The following MMP8 variants were observed in gnomAD, a reference collection of about 807,000 sequenced individuals.
The protein encoded by MMP8 is neutrophil collagenase.
A neutral mutation model predicts 51.2 loss-of-function variants in MMP8; 67 were observed. The ratio of observed to expected loss-of-function variants is 1.31; its 90% CI spans 1.08 to 1.60. The LOEUF (loss-of-function observed/expected upper bound fraction) is 1.60. Among genes scored for constraint, MMP8 ranks in the 40% most tolerant of loss-of-function variants. The pLI is 0.00. For synonymous variants in MMP8, 225 were observed against 191.0 expected (o/e 1.18, Z -1.47); for missense variants, 654 against 558.1 (o/e 1.17, Z -1.73).
rs200434643 is a variant in MMP8 at position 102,718,532 on chromosome 11, A to G, written c.666T>C (p.Ser222=). Residue 222 remains serine (S), a synonymous_variant, in exon 5 of 10, where the codon TCT becomes TCC. Transcript: ENST00000236826. ...FLVAAHEFGH[S]LGLAHSSDPG... ...GGTCAGAGGAGTGAGCGAGCCCCAAAGAATGGCCAAATTCATGAGCAGCAA... is the reference window on the plus strand; with the variant it reads ...GGTCAGAGGAGTGAGCGAGCCCCAAGGAATGGCCAAATTCATGAGCAGCAA... 3.1e-6 allele frequency: 5 copies of G among 1,613,998 alleles called. No homozygotes were observed. The African/African-American group carries it at 5.3e-5, about 17-fold the overall frequency.
In MMP8 at chr11:102,712,814, A is replaced by C. The variant is rs1173963626; in HGVS notation, c.*534T>G. ...GGGTACCTGGGGTTAGAACTTCAAC[A>C]TATCTTTTATGGGGGACACAATTCA... On this transcript the variant is annotated 3_prime_UTR_variant, in exon 10 of 10. Coordinates refer to ENST00000236826, the MANE Select transcript of MMP8 (RefSeq NM_002424.3). The C allele has an allele frequency of 1.3e-5, 2 of 152,442 alleles. No individual in the cohort carries two copies. The highest frequency in any genetic ancestry group is 4.8e-5 in the African/African-American group (2 of 41,434). 9.4% of individuals were successfully genotyped at this position (152,442 alleles called of 1,614,324 possible). A position where few individuals can be genotyped will look rare whatever the true frequency, so the allele number is the denominator to read the frequency against.
chr11:102,713,586 C>A, intron 9 of MMP8, 129 bp from the exon 10 acceptor site: 1 of 1,014,236 alleles, frequency 9.9e-7, no homozygotes, highest in Non-Finnish European at 1.5e-6. Context: ...AATTTAAACA[C>A]CAGGTGCGGT....
chr11:102,722,346 G>A (rs535154375), intron 2 of MMP8, 83 bp downstream of exon 2: 1,073 of 1,390,442 alleles, frequency 7.7e-4, no homozygotes, highest in Non-Finnish European at 9.9e-4. Context: ...TGTTCCTAGT[G>A]TATCCCAAGA....
Position 102,711,956 on chromosome 11 carries a change from A to G in MMP8, c.*1392T>C, listed in dbSNP as rs972283947. On this transcript the variant is annotated 3_prime_UTR_variant, in exon 10 of 10. Transcript: ENST00000236826. ...GAGAAATATATTTTACAGTCTACATATTTATTGTATAATAAGCTATATTAT... is the reference window on the plus strand; with the variant it reads ...GAGAAATATATTTTACAGTCTACATGTTTATTGTATAATAAGCTATATTAT... 1.3e-5 allele frequency: 2 copies of G among 152,206 alleles called. No individual in the cohort carries two copies. Among genetic ancestry groups the G allele is most frequent in the African/African-American group, 4.8e-5 (2 of 41,450 alleles). 9.4% of individuals were successfully genotyped at this position (152,206 alleles called of 1,614,324 possible).
In MMP8 at chr11:102,721,469, T is replaced by C; in HGVS notation, c.554A>G (p.Gln185Arg). 3 of 1,613,910 alleles carry C rather than the reference T, an allele frequency of 1.9e-6. No homozygotes were observed. Among genetic ancestry groups the C allele is most frequent in the Non-Finnish European group, 2.5e-6 (3 of 1,179,856 alleles). Residue 185 changes from glutamine (Q) to arginine (R), a missense_variant, in exon 4 of 10, where the codon CAG (glutamine) becomes CGG (arginine). Physicochemically the swap from Gln to Arg is conservative, Grantham distance 43. Transcript: ENST00000236826. The part of the protein sequence containing the change: ...GPNGILAHAF[Q>R]PGQGIGGDAH... Reference sequence around the variant, plus strand: ...ATCTCCTCCAATACCTTGGCCTGGCTGAAAGGCATGAGCAAGGATTCCATT... The same window carrying C: ...ATCTCCTCCAATACCTTGGCCTGGCCGAAAGGCATGAGCAAGGATTCCATT...
At chr11:102,718,282 A>T in intron 5 of MMP8, 132 bp downstream of exon 5, 1 of 965,522 alleles carries the variant, frequency 1.0e-6, no homozygotes, top group Non-Finnish European at 1.5e-6. Context: ...TTAATGCTTT[A>T]TTACTGGGGA....
rs769904397 is a variant in MMP8, at chr11:102,712,288, G to A, written c.*1060C>T. The A allele has an allele frequency of 6.6e-6, 1 of 152,324 alleles. No homozygotes were observed. Among genetic ancestry groups the A allele is most frequent in the African/African-American group, 2.4e-5 (1 of 41,440 alleles). The allele number at this position is 152,324 out of a possible 1,614,324, so 9.4% of individuals were successfully genotyped here. Reference sequence around the variant, plus strand: ...AGGAGGAGGCAGGAGAGGAAGTGGTGGTTCTCTTTTGGCTGCTGTCCTGGG... The same window carrying A: ...AGGAGGAGGCAGGAGAGGAAGTGGTAGTTCTCTTTTGGCTGCTGTCCTGGG... On this transcript the variant is annotated 3_prime_UTR_variant, in exon 10 of 10. Transcript: ENST00000236826.
At chr11:102,722,874 A>T (rs1861515983) in intron 1 of MMP8, 3 of 1,021,862 alleles carry the variant, frequency 2.9e-6, no homozygotes, top group Non-Finnish European at 4.2e-6. Flanking sequence ...GCTCCAGTTA[A>T]TGGTTATGCA....
chr11:102,716,423 GAAAAAAAA>G lies in MMP8; in HGVS notation c.785-12_785-5del, dbSNP rs751481811. The G allele has an allele frequency of 7.6e-5, 30 of 394,476 alleles. No individual in the cohort carries two copies. Among genetic ancestry groups the G allele is most frequent in the South Asian group, 2.0e-4 (7 of 34,482 alleles). The allele number at this position is 394,476 out of a possible 1,614,324, so 24.4% of individuals were successfully genotyped here. ...TGGATAGGGTTGCTTGAAAGTCCTG[GAAAAAAAA>G]AAAAAAAAAAAAAAAAGGTCTTTCT... is the stretch of plus-strand genomic sequence containing the variant. On this transcript the variant is annotated splice_region_variant and splice_polypyrimidine_tract_variant and intron_variant, in intron 5 of 9. Transcript: ENST00000236826.
intron 4 of MMP8, among the ~76,000 whole-genome samples, chr11:102,720,242 G>A (rs1178031570): frequency 6.6e-6 from 1 of 152,210 alleles, no homozygotes; most frequent in Non-Finnish European, 1.5e-5. Context: ...TTAAGCATGA[G>A]AGTGATGTGA....
rs1172512939 is a variant in MMP8 at position 102,712,917 on chromosome 11, T to C, written c.*431A>G. ...TATTTTCTGTAAAGGCCAAGGGTACTGTCTAGGTTGTTTATAATCCTTACT... is the reference window on the plus strand; with the variant it reads ...TATTTTCTGTAAAGGCCAAGGGTACCGTCTAGGTTGTTTATAATCCTTACT... On this transcript the variant is annotated 3_prime_UTR_variant, in exon 10 of 10. Transcript: ENST00000236826. 6.5e-6 allele frequency: 1 copy of C among 154,006 alleles called. No homozygotes were observed. Among genetic ancestry groups the C allele is most frequent in the African/African-American group, 2.4e-5 (1 of 41,466 alleles). The allele number at this position is 154,006 out of a possible 1,614,324, so 9.5% of individuals were successfully genotyped here.
intron 4 of MMP8, among the ~76,000 whole-genome samples, chr11:102,720,547 C>T (rs1330042975): frequency 1.3e-5 from 2 of 152,142 alleles, no homozygotes; most frequent in South Asian, 2.1e-4. Flanking sequence ...GTAAAAGGTG[C>T]CTTTCTGATT....
At chr11:102,715,228 T>C (rs1468035299) in intron 7 of MMP8, 76 bp downstream of exon 7, 23 of 1,517,092 alleles carry the variant, frequency 1.5e-5, no homozygotes, top group Non-Finnish European at 1.8e-5. Flanking sequence ...ACCATGAACC[T>C]GAAAGGGACC....
chr11:102,723,511 TGG>T (rs1173260058), intron 1 of MMP8: 1 of 456,116 alleles, frequency 2.2e-6, no homozygotes, highest in Admixed American at 2.4e-5. Context: ...CAAGATCAGG[TGG>T]CTGCATCTGG....
At position 102,716,392 on chromosome 11, in the gene MMP8, GTAGGTTGGA is replaced by G; in HGVS notation, c.803_811del (p.Ile268_Pro270del). The G allele has an allele frequency of 3.3e-6, 4 of 1,201,446 alleles. No homozygotes were observed. Among genetic ancestry groups the G allele is most frequent in the Non-Finnish European group, 4.7e-6 (4 of 848,456 alleles). 74.4% of individuals were successfully genotyped at this position (1,201,446 alleles called of 1,614,324 possible). A position where few individuals can be genotyped will look rare whatever the true frequency, so the allele number is the denominator to read the frequency against. ...ACAGGGTTTGGGTGTGCTTGGTCCA[GTAGGTTGGA>G]TAGGGTTGCTTGAAAGTCCTGGAAA... is the stretch of plus-strand genomic sequence containing the variant. On this transcript the variant is annotated inframe_deletion, in exon 6 of 10. Coordinates refer to ENST00000236826, the MANE Select transcript of MMP8 (RefSeq NM_002424.3).
At chr11:102,713,482 T>C in intron 9 of MMP8, 25 bp from the exon 10 acceptor site, 1 of 1,541,884 alleles carries the variant, frequency 6.5e-7, no homozygotes, top group Non-Finnish European at 9.0e-7. Flanking sequence ...AGATAATTTA[T>C]TGAATTAGCT....
intron 4 of MMP8, 109 bp from the exon 5 acceptor site, chr11:102,718,684 C>CTAT: frequency 8.7e-7 from 1 of 1,151,974 alleles, no homozygotes; most frequent in Non-Finnish European, 1.2e-6. Context: ...GGAAATAGCC[C>CTAT]TTCCCATGGC....
intron 9 of MMP8, 46 bp downstream of exon 9, chr11:102,713,708 T>TAAAC (rs1403569560): frequency 1.3e-6 from 2 of 1,497,178 alleles, no homozygotes; most frequent in African/African-American, 1.4e-5. Context: ...TCCTCTATAA[T>TAAAC]AAACAAACAA....
chr11:102,713,658 G>A, intron 9 of MMP8, 96 bp downstream of exon 9: 1 of 1,151,646 alleles, frequency 8.7e-7, no homozygotes. Context: ...TTGAGGCCAG[G>A]AGTTTGACAC....
Sources: gnomAD v4.1 joint callset for allele counts (sites outside exome capture counted in the v4.1 genomes callset) on GRCh38, gnomAD v4.1.1 for gene constraint, MANE v1.5 for transcripts, NCBI Gene and HGNC (gene_info 2026-07-23, HGNC 2026-07-21) for gene names.